Variants in S100A1 observed in about 807,000 individuals in gnomAD.
S100A1 encodes the protein S100 calcium binding protein A1.
Under a neutral mutation model 7.6 loss-of-function variants are expected in S100A1, and 3 were observed. The ratio of observed to expected loss-of-function variants is 0.40; its 90% CI spans 0.18 to 1.02. The LOEUF (loss-of-function observed/expected upper bound fraction) is 1.02, where lower values mean the gene tolerates loss of function less well. Among genes scored for constraint, S100A1 ranks in the 50% least tolerant of loss-of-function variants. S100A1 has a pLI of 0.35. For synonymous variants in S100A1, 49 were observed against 49.0 expected (o/e 1.00, Z 0.00); for missense variants, 126 against 115.0 (o/e 1.10, Z -0.44).
chr1:153,631,479 G>C lies in S100A1; in HGVS notation c.142-219G>C, dbSNP rs546993007. 56 of 1,598,766 alleles carry C rather than the reference G, an allele frequency of 3.5e-5. No homozygotes were observed. The Admixed American group carries it at 5.0e-4, about 14-fold the overall frequency. ...GCTTTATTATAGGCACTGAACATAC[G>C]GTAACTGGTGTCATTATTATTCATT... On this transcript the variant is annotated intron_variant, in intron 2 of 2. Coordinates refer to ENST00000292169, the MANE Select transcript of S100A1 (RefSeq NM_006271.2).
intron 2 of S100A1, chr1:153,631,304 A>C: frequency 2.8e-6 from 2 of 708,112 alleles, no homozygotes; most frequent in Non-Finnish European, 4.6e-6. Flanking sequence ...CAGCCCTGCT[A>C]CTTTCTAGCT....
chr1:153,629,256 C>G (rs1431093725), intron 1 of S100A1: 1 of 152,300 alleles, frequency 6.6e-6, no homozygotes, highest in Non-Finnish European at 1.5e-5. Context: ...AATCAAGCTA[C>G]CAGCACCCCT....
rs1420895621 is a variant in S100A1 at position 153,628,484 on chromosome 1, G to A, written c.-26G>A. ...TGTCCAGAACCTGCTCCCACCTCAG[G>A]CCCAGGCCAACCGTGAGTACCCTGC... On this transcript the variant is annotated 5_prime_UTR_variant, in exon 1 of 3. Transcript: ENST00000292169. 32 of 1,550,584 alleles carry A rather than the reference G, an allele frequency of 2.1e-5. No homozygotes were observed. Among genetic ancestry groups the A allele is most frequent in the Non-Finnish European group, 2.7e-5 (31 of 1,146,992 alleles).
rs1475312401 is a variant in S100A1 at position 153,630,520 on chromosome 1, C to CA, written c.1dup. 1 of 1,614,068 alleles carries CA rather than the reference C, an allele frequency of 6.2e-7. No individual in the cohort carries two copies. The highest frequency in any genetic ancestry group is 8.5e-7 in the Non-Finnish European group (1 of 1,179,952). Reference sequence around the variant, plus strand: ...ATGGGGGTGGGTAGGTGCACTGCTGCAATGGGCTCTGAGCTGGAGACGGCG... The same window carrying CA: ...ATGGGGGTGGGTAGGTGCACTGCTGCAAATGGGCTCTGAGCTGGAGACGGCG... On this transcript the variant is annotated 5_prime_UTR_variant, in exon 2 of 3. Coordinates refer to ENST00000292169, the MANE Select transcript of S100A1 (RefSeq NM_006271.2).
chr1:153,630,245 C>T, intron 1 of S100A1: 1 of 497,032 alleles, frequency 2.0e-6, no homozygotes, highest in Non-Finnish European at 3.5e-6. Flanking sequence ...GCCAGCCCAG[C>T]TCCAACTGCT....
In S100A1 at chr1:153,630,497, G is replaced by A. The variant is rs201919764; in HGVS notation, c.-13-12G>A. 5.5e-5 allele frequency: 89 copies of A among 1,612,814 alleles called. No homozygotes were observed. Among genetic ancestry groups the A allele is most frequent in the Admixed American group, 1.7e-5 (1 of 59,968 alleles). On this transcript the variant is annotated splice_polypyrimidine_tract_variant and intron_variant, in intron 1 of 2. Coordinates refer to ENST00000292169, the MANE Select transcript of S100A1 (RefSeq NM_006271.2). ...CTGGTCCTCAGCTCACTTCCATGATGGGGGTGGGTAGGTGCACTGCTGCAA... is the reference window on the plus strand; with the variant it reads ...CTGGTCCTCAGCTCACTTCCATGATAGGGGTGGGTAGGTGCACTGCTGCAA...
chr1:153,629,329 G>A (rs1041144144), intron 1 of S100A1: 2 of 152,224 alleles, frequency 1.3e-5, no homozygotes, highest in East Asian at 3.9e-4. Flanking sequence ...CCATGTCTCT[G>A]TGACAACTGC....
At chr1:153,631,553 C>G (rs1046379) in intron 2 of S100A1, 145 bp from the exon 3 acceptor site, 1 of 1,613,548 alleles carries the variant, frequency 6.2e-7, no homozygotes, top group East Asian at 2.2e-5. Context: ...CCCTCAAGAC[C>G]TTTGAGGAGG....
chr1:153,630,147 G>T, intron 1 of S100A1: 1 of 374,138 alleles, frequency 2.7e-6, no homozygotes, highest in Non-Finnish European at 4.8e-6. Flanking sequence ...AGGAAGCATG[G>T]CCCAGTCCTG....
At chr1:153,630,335 C>A in intron 1 of S100A1, 174 bp from the exon 2 acceptor site, 1 of 768,778 alleles carries the variant, frequency 1.3e-6, no homozygotes, top group Non-Finnish European at 2.0e-6. Context: ...GCACTTAGGT[C>A]TCTTGGGGTT....
At chr1:153,631,188 A>C in intron 2 of S100A1, 1 of 425,808 alleles carries the variant, frequency 2.3e-6, no homozygotes. Context: ...TGAAGGATGT[A>C]GAAAACTAGG....
In S100A1 at chr1:153,631,990, G is replaced by C; in HGVS notation, c.*149G>C. ...CCCCACCAAGGGCGCAAGAGTAGCGGTCCAAGCCTGCAACTCATCTTTCAT... is the reference window on the plus strand; with the variant it reads ...CCCCACCAAGGGCGCAAGAGTAGCGCTCCAAGCCTGCAACTCATCTTTCAT... On this transcript the variant is annotated 3_prime_UTR_variant, in exon 3 of 3. Coordinates refer to ENST00000292169, the MANE Select transcript of S100A1 (RefSeq NM_006271.2). 1 of 786,930 alleles carries C rather than the reference G, an allele frequency of 1.3e-6. No individual in the cohort carries two copies. The highest frequency in any genetic ancestry group is 1.9e-6 in the Non-Finnish European group (1 of 513,432). 48.7% of individuals were successfully genotyped at this position (786,930 alleles called of 1,614,324 possible). A position where few individuals can be genotyped will look rare whatever the true frequency, so the allele number is the denominator to read the frequency against.
At chr1:153,629,825 C>A (rs1481920269) in intron 1 of S100A1, 1 of 152,352 alleles carries the variant, frequency 6.6e-6, no homozygotes, top group African/African-American at 2.4e-5. Context: ...GATAATTTTG[C>A]AGAGGCAATG....
chr1:153,631,954 C>A lies in S100A1; in HGVS notation c.*113C>A, dbSNP rs1285492333. Reference sequence around the variant, plus strand: ...TCTCCATAACCCCACCCTTGCCCACCCCACCCCCACCCCCACCAAGGGCGC... The same window carrying A: ...TCTCCATAACCCCACCCTTGCCCACACCACCCCCACCCCCACCAAGGGCGC... On this transcript the variant is annotated 3_prime_UTR_variant, in exon 3 of 3. Transcript: ENST00000292169. 4 of 1,163,008 alleles carry A rather than the reference C, an allele frequency of 3.4e-6. No individual in the cohort carries two copies. In the Admixed American group the frequency reaches 1.0e-4, roughly 30 times the overall value. 72.0% of individuals were successfully genotyped at this position (1,163,008 alleles called of 1,614,324 possible).
chr1:153,630,250 A>G (rs1257798984), intron 1 of S100A1: 8 of 499,202 alleles, frequency 1.6e-5, no homozygotes, highest in East Asian at 6.2e-5. Context: ...CCCAGCTCCA[A>G]CTGCTCTCTC....
chr1:153,630,155 C>T (rs1571300721), intron 1 of S100A1: 1 of 393,528 alleles, frequency 2.5e-6, no homozygotes, highest in East Asian at 3.8e-5. Context: ...TGGCCCAGTC[C>T]TGTGACCACC....
Position 153,628,471 on chromosome 1 carries a change from G to A in S100A1, c.-39G>A, listed in dbSNP as rs1473277155. 3.9e-6 allele frequency: 6 copies of A among 1,550,710 alleles called. No individual in the cohort carries two copies. The South Asian group carries it at 7.1e-5, about 18-fold the overall frequency. On this transcript the variant is annotated 5_prime_UTR_variant, in exon 1 of 3. Transcript: ENST00000292169. ...AACCTTGGCCATCTGTCCAGAACCTGCTCCCACCTCAGGCCCAGGCCAACC... is the reference window on the plus strand; with the variant it reads ...AACCTTGGCCATCTGTCCAGAACCTACTCCCACCTCAGGCCCAGGCCAACC...
intron 2 of S100A1, chr1:153,630,913 A>G: frequency 2.0e-6 from 1 of 504,172 alleles, no homozygotes; most frequent in Non-Finnish European, 3.5e-6. Flanking sequence ...ACACAGACTT[A>G]GAAGGGAAAG....
At chr1:153,630,077 C>T (rs41265183) in intron 1 of S100A1, 12,343 of 202,622 alleles carry the variant, frequency 0.061, 549 homozygotes, top group Non-Finnish European at 0.085. Context: ...AGCCCACCAC[C>T]CTCAACAGCA....
Sources: allele counts gnomAD v4.1 joint callset, GRCh38; gene constraint gnomAD v4.1.1; transcripts MANE v1.5; gene names NCBI Gene and HGNC (gene_info 2026-07-23, HGNC 2026-07-21).